The following ELAPOR2 variants were observed in gnomAD, a reference collection of about 807,000 sequenced individuals.
The protein encoded by ELAPOR2 is endosome/lysosome-associated apoptosis and autophagy regulator family member 2.
ELAPOR2 carries 89 observed loss-of-function variants against 120.7 expected under a neutral mutation model. The ratio of observed to expected loss-of-function variants is 0.74; its 90% CI spans 0.62 to 0.88. The LOEUF (loss-of-function observed/expected upper bound fraction) is 0.88, where lower values mean the gene tolerates loss of function less well. Among genes scored for constraint, ELAPOR2 ranks in the 40% least tolerant of loss-of-function variants. The pLI, the probability that ELAPOR2 is intolerant of heterozygous loss-of-function variation, is 0.00. For missense variants in ELAPOR2, 1,134 were observed against 1,251.6 expected (o/e 0.91, Z 1.42); for synonymous variants, 444 against 444.9 (o/e 1.00, Z 0.03).
chr7:86,910,684 A>G (rs1341401565), intron 15 of ELAPOR2, among the ~76,000 whole-genome samples: 1 of 152,122 alleles, frequency 6.6e-6, no homozygotes, highest in Non-Finnish European at 1.5e-5. Flanking sequence ...TTTAAATATA[A>G]TATGTTTAAA....
At chr7:86,981,459 T>C (rs1290134681) in intron 1 of ELAPOR2, among the ~76,000 whole-genome samples, 4 of 152,196 alleles carry the variant, frequency 2.6e-5, no homozygotes, top group African/African-American at 9.7e-5. Context: ...TTCTAGATCA[T>C]TTATGATCTG....
chr7:86,951,169 C>A lies in ELAPOR2; in HGVS notation c.311-3247G>T, dbSNP rs1791229399. ...AAATAAAGTTTTATTGAAACCCAAT[C>A]CCGATCATTCATTTACCTACTGTCT... On this transcript the variant is annotated intron_variant, in intron 2 of 21. Coordinates refer to ENST00000450689, the MANE Select transcript of ELAPOR2 (RefSeq NM_001142749.3). 2.0e-5 allele frequency among the ~76,000 whole-genome samples: 3 copies of A among 152,168 alleles called. No homozygotes were observed. In the South Asian group the frequency reaches 6.2e-4, roughly 32 times the overall value.
At chr7:86,987,840 T>C (rs1792807256) in intron 1 of ELAPOR2, among the ~76,000 whole-genome samples, 1 of 152,188 alleles carries the variant, frequency 6.6e-6, no homozygotes, top group South Asian at 2.1e-4. Context: ...AGCGATCCTA[T>C]TACTGGGTAT....
At chr7:86,993,234 C>CA (rs1159917841) in intron 1 of ELAPOR2, among the ~76,000 whole-genome samples, 2,742 of 56,698 alleles carry the variant, frequency 0.048, 89 homozygotes, top group South Asian at 0.061. Context: ...GACTCCATCT[C>CA]AAAAAAAAAA....
intron 1 of ELAPOR2, among the ~76,000 whole-genome samples, chr7:86,973,648 A>G (rs562789203): frequency 6.6e-6 from 1 of 152,308 alleles, no homozygotes; most frequent in South Asian, 2.1e-4. Flanking sequence ...CTATTAATAC[A>G]TCAGGAAGAT....
intron 1 of ELAPOR2, among the ~76,000 whole-genome samples, chr7:87,010,006 A>G (rs1793604402): frequency 6.6e-6 from 1 of 151,646 alleles, no homozygotes; most frequent in African/African-American, 2.4e-5. Context: ...AAGAAAGAAA[A>G]AAAGTCCAAG....
chr7:86,962,618 C>A (rs935515660), intron 2 of ELAPOR2, among the ~76,000 whole-genome samples: 2 of 152,090 alleles, frequency 1.3e-5, no homozygotes, highest in Non-Finnish European at 2.9e-5. Flanking sequence ...CTAGACCTGC[C>A]GCATCCGGGC....
At chr7:86,900,042 G>T (rs1474395381) in intron 18 of ELAPOR2, among the ~76,000 whole-genome samples, 2 of 151,882 alleles carry the variant, frequency 1.3e-5, no homozygotes, top group Non-Finnish European at 2.9e-5. Flanking sequence ...AAATATCCAA[G>T]AATACAATTT....
chr7:86,967,987 T>A (rs940895692), intron 1 of ELAPOR2, among the ~76,000 whole-genome samples: 1 of 152,152 alleles, frequency 6.6e-6, no homozygotes, highest in Non-Finnish European at 1.5e-5. Context: ...TTAAATTATT[T>A]AACAGGCTAC....
intron 1 of ELAPOR2, among the ~76,000 whole-genome samples, chr7:86,988,296 T>C (rs1792827661): frequency 6.6e-6 from 1 of 152,142 alleles, no homozygotes; most frequent in African/African-American, 2.4e-5. Context: ...TATACTTATG[T>C]AACAAGCCTG....
chr7:86,879,182 C>G lies in ELAPOR2; in HGVS notation c.*1289G>C, dbSNP rs569557625. On this transcript the variant is annotated 3_prime_UTR_variant, in exon 22 of 22. Coordinates refer to ENST00000450689, the MANE Select transcript of ELAPOR2 (RefSeq NM_001142749.3). ...AGATCAGCAATGGCCAGGAAACCCCCCTCTTTCCCAGTTTTAAATCAATTA... is the reference window on the plus strand; with the variant it reads ...AGATCAGCAATGGCCAGGAAACCCCGCTCTTTCCCAGTTTTAAATCAATTA... 6.6e-6 allele frequency: 1 copy of G among 152,070 alleles called. No individual in the cohort carries two copies. Among genetic ancestry groups the G allele is most frequent in the South Asian group, 2.1e-4 (1 of 4,832 alleles). 9.4% of individuals were successfully genotyped at this position (152,070 alleles called of 1,614,324 possible).
In ELAPOR2 at chr7:86,905,510, T is replaced by G. The variant is rs562611669; in HGVS notation, c.2558+2160A>C. Among the ~76,000 whole-genome samples the G allele has an allele frequency of 8.5e-5, 13 of 152,216 alleles. No homozygotes were observed. The East Asian group carries it at 2.5e-3, about 29-fold the overall frequency. Reference sequence around the variant, plus strand: ...TAAAGTAGTGGTCAGCACACTTCAGTGCGCATCACAACTCTAAATGAAGAT... The same window carrying G: ...TAAAGTAGTGGTCAGCACACTTCAGGGCGCATCACAACTCTAAATGAAGAT... On this transcript the variant is annotated intron_variant, in intron 18 of 21. Transcript: ENST00000450689.
intron 21 of ELAPOR2, among the ~76,000 whole-genome samples, chr7:86,881,607 C>T (rs778906750): frequency 6.6e-6 from 1 of 152,076 alleles, no homozygotes; most frequent in Admixed American, 6.6e-5. Flanking sequence ...CCGCCCACCT[C>T]GGCCTCCCAA....
rs555012010 is a variant in ELAPOR2 at position 86,944,836 on chromosome 7, G to C, written c.654+63C>G. On this transcript the variant is annotated intron_variant, in intron 4 of 21. Transcript: ENST00000450689. ...GGAATAAAGTGGAATGGGAACAACT[G>C]ACTAAGGGAAATTTACATGAATGTC... is the stretch of plus-strand genomic sequence containing the variant. The C allele has an allele frequency of 3.7e-6, 5 of 1,368,008 alleles. No homozygotes were observed. In the South Asian group the frequency reaches 6.1e-5, roughly 17 times the overall value. The allele number at this position is 1,368,008 out of a possible 1,614,324, so 84.7% of individuals were successfully genotyped here.
chr7:86,965,970 T>A, intron 1 of ELAPOR2: 2 of 985,110 alleles, frequency 2.0e-6, no homozygotes, highest in Non-Finnish European at 2.4e-6. Flanking sequence ...CTTCTCTGCA[T>A]AGCACACTTT....
chr7:86,992,733 A>T (rs1473602707), intron 1 of ELAPOR2, among the ~76,000 whole-genome samples: 1 of 152,180 alleles, frequency 6.6e-6, no homozygotes, highest in South Asian at 2.1e-4. Context: ...TGAAAAGGTG[A>T]ATTTATTTCT....
At chr7:87,036,567 T>A (rs147426457) in intron 1 of ELAPOR2, among the ~76,000 whole-genome samples, 2 of 152,060 alleles carry the variant, frequency 1.3e-5, no homozygotes, top group Non-Finnish European at 2.9e-5. Context: ...ATAAAGAAAA[T>A]GTGGTACATA....
chr7:86,900,388 G>A (rs976138273), intron 18 of ELAPOR2, among the ~76,000 whole-genome samples: 3 of 152,076 alleles, frequency 2.0e-5, no homozygotes, highest in Non-Finnish European at 2.9e-5. Context: ...AAAATCAAAC[G>A]TCTGCTATAC....
At chr7:86,921,410 C>T (rs550416454) in intron 10 of ELAPOR2, among the ~76,000 whole-genome samples, 110 of 151,976 alleles carry the variant, frequency 7.2e-4, no homozygotes, top group African/African-American at 2.3e-3. Flanking sequence ...AGAGGGAGGA[C>T]GGCCCTTTGA....
Sources: allele counts gnomAD v4.1 joint callset (sites outside exome capture counted in the v4.1 genomes callset), GRCh38; gene constraint gnomAD v4.1.1; transcripts MANE v1.5; gene names NCBI Gene and HGNC (gene_info 2026-07-23, HGNC 2026-07-21).